The following PKP3 variants were observed in gnomAD, a reference collection of about 807,000 sequenced individuals.
PKP3 encodes plakophilin 3.
In PKP3, 66 loss-of-function variants were observed where a neutral mutation model predicts 76.5. The ratio of observed to expected loss-of-function variants is 0.86; its 90% CI spans 0.71 to 1.06. The LOEUF is 1.06. PKP3 is among the 50% of genes least tolerant of loss of function. The pLI is 0.00. For synonymous variants in PKP3, 638 were observed against 516.5 expected, an observed-to-expected ratio of 1.24 and a Z score of -3.19; for missense variants, 1,338 against 1,141.0, an observed-to-expected ratio of 1.17 and a Z score of -2.49.
chr11:397,180 G>A lies in PKP3; in HGVS notation c.679G>A (p.Gly227Arg). ...GGCCAGCTCCAGCTCCAGCCGGGCAGGGGGGCTGGACTGGCCCGAGGCCAC... is the reference window on the plus strand; with the variant it reads ...GGCCAGCTCCAGCTCCAGCCGGGCAAGGGGGCTGGACTGGCCCGAGGCCAC... ...RQASSSSSRA[G>R]GLDWPEATEV... Residue 227 changes from glycine to arginine, a missense_variant, in exon 3 of 13, where the codon GGG (glycine) becomes AGG (arginine). By Grantham distance (125) the Gly-to-Arg change is moderately radical. Coordinates refer to ENST00000331563, the MANE Select transcript of PKP3 (RefSeq NM_007183.4). 1.3e-6 allele frequency: 2 copies of A among 1,598,144 alleles called. No individual in the cohort carries two copies. Among genetic ancestry groups the A allele is most frequent in the East Asian group, 2.2e-5 (1 of 44,846 alleles).
At chr11:397,903 C>T (rs1447452939) in intron 4 of PKP3, 2 of 518,466 alleles carry the variant, frequency 3.9e-6, no homozygotes, top group African/African-American at 2.0e-5. Flanking sequence ...TACACCCGCA[C>T]ACACCTGCGT....
intron 4 of PKP3, among the ~76,000 whole-genome samples, chr11:398,301 C>T (rs577174317): frequency 5.6e-5 from 4 of 71,912 alleles, no homozygotes; most frequent in East Asian, 5.2e-4. Flanking sequence ...TCCCTACCCC[C>T]GCACACACCT....
In PKP3 at chr11:394,385, G is replaced by A; in HGVS notation, c.93G>A (p.Arg31=). The A allele has an allele frequency of 6.7e-7, 1 of 1,490,812 alleles. No individual in the cohort carries two copies. The highest frequency in any genetic ancestry group is 8.9e-7 in the Non-Finnish European group (1 of 1,128,210). 92.3% of individuals were successfully genotyped at this position (1,490,812 alleles called of 1,614,324 possible). Reference sequence around the variant, plus strand: ...CCTCTGACCTGCAGCTGGACCGCCGGGGCGCCGAGGGGCCGGAGGCCGAGC... The same window carrying A: ...CCTCTGACCTGCAGCTGGACCGCCGAGGCGCCGAGGGGCCGGAGGCCGAGC... ...ALPSDLQLDR[R]GAEGPEAERL... The change falls in exon 1 of 13, where the codon CGG becomes CGA. Residue 31 remains arginine (R), a synonymous_variant. Transcript: ENST00000331563.
rs1435732059 is a variant in PKP3, at chr11:397,160, G to A, written c.659G>A (p.Ser220Asn). 1.9e-6 allele frequency: 3 copies of A among 1,597,866 alleles called. No homozygotes were observed. The highest frequency in any genetic ancestry group is 1.3e-5 in the African/African-American group (1 of 75,020). ...YRAFAYERQA[S>N]SSSSRAGGLD... ...GCCTTTGCGTACGAGCGCCAGGCCA[G>A]CTCCAGCTCCAGCCGGGCAGGGGGG... is the stretch of plus-strand genomic sequence containing the variant. Residue 220 changes from serine (S) to asparagine (N), a missense_variant, in exon 3 of 13, where the codon AGC (serine) becomes AAC (asparagine). Coordinates refer to ENST00000331563, the MANE Select transcript of PKP3 (RefSeq NM_007183.4).
chr11:404,512 C>T lies in PKP3; in HGVS notation c.2359-22C>T. On this transcript the variant is annotated intron_variant, in intron 12 of 12. Coordinates refer to ENST00000331563, the MANE Select transcript of PKP3 (RefSeq NM_007183.4). The surrounding 1 kb of genome is among the most constrained non-coding windows in gnomAD (Gnocchi z 4.2). ...CACATGGGCAGACATGCACCCTGAC[C>T]TTGGGCCTCTCTCCACTGTAGAAGG... is the stretch of plus-strand genomic sequence containing the variant. The T allele has an allele frequency of 6.2e-7, 1 of 1,612,050 alleles. No homozygotes were observed. The highest frequency in any genetic ancestry group is 8.5e-7 in the Non-Finnish European group (1 of 1,179,332).
At chr11:394,006 G>A (rs948395259), upstream of PKP3, 6 of 401,500 alleles carry the variant, frequency 1.5e-5, no homozygotes, top group African/African-American at 8.5e-5. Flanking sequence ...TGGCCCTGTT[G>A]TGGGATGGGA....
Position 400,094 on chromosome 11 carries a change from G to T in PKP3, c.1401G>T (p.Gln467His), listed in dbSNP as rs775543180. The T allele has an allele frequency of 2.5e-6, 4 of 1,592,736 alleles. No individual in the cohort carries two copies. The highest frequency in any genetic ancestry group is 3.4e-6 in the Non-Finnish European group (4 of 1,173,422). The change falls in exon 6 of 13, where the codon CAG becomes CAT. Residue 467 changes from glutamine (Q) to histidine (H), a missense_variant. Transcript: ENST00000331563. ...SGAGGPPLIQQNASEAEIFYN... is the reference protein window; with the variant it reads ...SGAGGPPLIQHNASEAEIFYN... ...CTGGGGGTCCCCCCCTCATCCAGCA[G>T]AACGCCTCGGAGGCAGAGATCTTCT...
chr11:403,833 T>C, intron 10 of PKP3, 62 bp downstream of exon 10: 1 of 1,593,988 alleles, frequency 6.3e-7, no homozygotes, highest in Non-Finnish European at 8.5e-7. Flanking sequence ...TGTCTTTAAG[T>C]GTGGGCTTCA....
rs753852645 is a variant in PKP3, at chr11:404,617, C to G, written c.*48C>G. ...GTGACGTGGCCCAGCGTCCAAGGGA[C>G]AGACTCAGCTCCAGGCTGCTTGGCA... On this transcript the variant is annotated 3_prime_UTR_variant, in exon 13 of 13. Transcript: ENST00000331563. The surrounding 1 kb of genome is among the most constrained non-coding windows in gnomAD (Gnocchi z 4.2). 2 of 1,582,884 alleles carry G rather than the reference C, an allele frequency of 1.3e-6. No individual in the cohort carries two copies. Among genetic ancestry groups the G allele is most frequent in the Non-Finnish European group, 1.7e-6 (2 of 1,153,232 alleles).
In PKP3 at chr11:400,629, G is replaced by A. The variant is rs1054170569; in HGVS notation, c.1661G>A (p.Gly554Asp). The change falls in exon 8 of 13, where the codon GGC becomes GAC. Residue 554 changes from glycine to aspartate, a missense_variant. Gly to Asp is a moderately conservative substitution (Grantham distance 94, BLOSUM62 -1). Coordinates refer to ENST00000331563, the MANE Select transcript of PKP3 (RefSeq NM_007183.4). ...GCGCTGCAGCGGCTGGAGGGTCGCG[G>A]CCGCAGGGACCTGGCGGGGGCGCCG... The part of the protein sequence containing the change: ...PSALQRLEGR[G>D]RRDLAGAPPG... 5 of 1,409,090 alleles carry A rather than the reference G, an allele frequency of 3.5e-6. No individual in the cohort carries two copies. The highest frequency in any genetic ancestry group is 3.0e-5 in the African/African-American group (2 of 65,728). The allele number at this position is 1,409,090 out of a possible 1,614,324, so 87.3% of individuals were successfully genotyped here. A position where few individuals can be genotyped will look rare whatever the true frequency, so the allele number is the denominator to read the frequency against.
rs1327128485 is a variant in PKP3 at position 400,790 on chromosome 11, CA to C, written c.1737+86del. Reference sequence around the variant, plus strand: ...CGGCCCCGCTCACCCCCGCCCCGCTCACCCCCGCCCCGCTCACCCCGCCCCG... The same window carrying C: ...CGGCCCCGCTCACCCCCGCCCCGCTCCCCCCGCCCCGCTCACCCCGCCCCG... On this transcript the variant is annotated intron_variant, in intron 8 of 12. Transcript: ENST00000331563. 20 of 693,096 alleles carry C rather than the reference CA, an allele frequency of 2.9e-5. No homozygotes were observed. The African/African-American group carries it at 3.7e-4, about 13-fold the overall frequency. 42.9% of individuals were successfully genotyped at this position (693,096 alleles called of 1,614,324 possible). A position where few individuals can be genotyped will look rare whatever the true frequency, so the allele number is the denominator to read the frequency against.
In PKP3 at chr11:403,681, C is replaced by G. The variant is rs766868603; in HGVS notation, c.1987C>G (p.Arg663Gly). The G allele has an allele frequency of 5.3e-5, 85 of 1,610,244 alleles. No individual in the cohort carries two copies. The highest frequency in any genetic ancestry group is 6.4e-5 in the Non-Finnish European group (76 of 1,179,786). ...QERILNPLLD[R>G]VRTADHHQLR... is the part of the protein sequence containing the mutation. ...GCGTATTCTGAACCCCCTGCTAGAC[C>G]GTGTCAGGACCGCCGACCACCACCA... Residue 663 changes from arginine (R) to glycine (G), a missense_variant, in exon 10 of 13, where the codon CGT (arginine) becomes GGT (glycine). Coordinates refer to ENST00000331563, the MANE Select transcript of PKP3 (RefSeq NM_007183.4).
intron 6 of PKP3, 79 bp downstream of exon 6, chr11:400,220 GC>G: frequency 7.1e-7 from 1 of 1,415,666 alleles, no homozygotes; most frequent in Non-Finnish European, 9.5e-7. Flanking sequence ...GGCGTTCGCA[GC>G]CCACACACCG....
intron 5 of PKP3, among the ~76,000 whole-genome samples, chr11:399,635 T>G (rs1484450182): frequency 7.0e-6 from 1 of 142,302 alleles, no homozygotes; most frequent in African/African-American, 2.7e-5. Context: ...CTCCGTCCCT[T>G]TGTACCTTTT....
chr11:399,342 AC>A, intron 5 of PKP3, 146 bp downstream of exon 5: 1 of 100,286 alleles, frequency 1.0e-5, no homozygotes, highest in Non-Finnish European at 1.6e-5. Flanking sequence ...CTGCCCCCCT[AC>A]TCCTCCTCCC....
intron 9 of PKP3, 112 bp downstream of exon 9, chr11:403,375 C>A: frequency 1.0e-6 from 1 of 988,748 alleles, no homozygotes. Flanking sequence ...GTCCGCGGAG[C>A]CTCGGAGGTC....
At chr11:393,826 G>A (rs1847006569), upstream of PKP3, among the ~76,000 whole-genome samples, 1 of 152,070 alleles carries the variant, frequency 6.6e-6, no homozygotes, top group South Asian at 2.1e-4. Context: ...AGACCCCCAG[G>A]GACTGGGGCA....
In PKP3 at chr11:397,007, G is replaced by A. The variant is rs778539303; in HGVS notation, c.506G>A (p.Gly169Glu). Residue 169 changes from glycine (G) to glutamate (E), a missense_variant, in exon 3 of 13, where the codon GGG (glycine) becomes GAG (glutamate). Coordinates refer to ENST00000331563, the MANE Select transcript of PKP3 (RefSeq NM_007183.4). ...TRPVSFHERG[G>E]VGSRADYDTL... ...CCCGTGTCCTTCCATGAGCGCGGTG[G>A]GGTTGGGAGCCGGGCCGACTATGAC... The A allele has an allele frequency of 6.3e-7, 1 of 1,599,892 alleles. No homozygotes were observed. Among genetic ancestry groups the A allele is most frequent in the South Asian group, 1.1e-5 (1 of 91,030 alleles).
rs1412944343 is a variant in PKP3 at position 404,032 on chromosome 11, G to T, written c.2167G>T (p.Ala723Ser). Residue 723 changes from alanine (A) to serine (S), a missense_variant, in exon 11 of 13, where the codon GCT becomes TCT. By Grantham distance (99) the Ala-to-Ser change is moderately conservative (BLOSUM62 1). Coordinates refer to ENST00000331563, the MANE Select transcript of PKP3 (RefSeq NM_007183.4). This position sits in a 1 kb window ranked among gnomAD's most constrained non-coding sequence, Gnocchi z 4.2. ...PPAEVLVNII[A>S]VLNNLVVASP... ...AGCCGAGGTGCTGGTCAACATCATA[G>T]CTGTGCTCAACAACCTGGTGGTGGC... The T allele has an allele frequency of 1.9e-6, 3 of 1,612,578 alleles. No individual in the cohort carries two copies. Among genetic ancestry groups the T allele is most frequent in the South Asian group, 2.2e-5 (2 of 91,080 alleles).
Sources: gnomAD v4.1 joint callset for allele counts (sites outside exome capture counted in the v4.1 genomes callset) on GRCh38, gnomAD v4.1.1 for gene constraint, Gnocchi (gnomAD v3.1) non-coding constraint, MANE v1.5 for transcripts, NCBI Gene and HGNC (gene_info 2026-07-23, HGNC 2026-07-21) for gene names.